The following HSPA4 variants were observed in gnomAD, a reference collection of about 807,000 sequenced individuals.
HSPA4 encodes the protein heat shock protein family A (Hsp70) member 4, also known as heat shock 70 kDa protein 4.
HSPA4 carries 25 observed loss-of-function variants against 106.2 expected under a neutral mutation model. The observed-to-expected ratio is 0.24, with a 90% CI of 0.17 to 0.33. The LOEUF is 0.33. HSPA4 is among the 10% of genes least tolerant of loss of function. HSPA4 has a pLI of 1.00. For missense variants in HSPA4, 841 were observed against 996.0 expected (o/e 0.84, Z 2.10); for synonymous variants, 332 against 333.6 (o/e 1.00, Z 0.05).
chr5:133,057,243 G>A (rs1224015368), intron 1 of HSPA4, among the ~76,000 whole-genome samples: 2 of 152,072 alleles, frequency 1.3e-5, no homozygotes, highest in African/African-American at 4.8e-5. Flanking sequence ...TTGCCTATCA[G>A]TTGTATGTGA....
At chr5:133,070,279 T>C in intron 3 of HSPA4, 95 bp from the exon 4 acceptor site, 1 of 1,225,272 alleles carries the variant, frequency 8.2e-7, no homozygotes, top group East Asian at 2.6e-5. Flanking sequence ...TAATGTTGCA[T>C]TGATAATGGG....
intron 1 of HSPA4, 46 bp from the exon 2 acceptor site, chr5:133,064,934 T>C (rs1765289328): frequency 4.0e-6 from 6 of 1,498,988 alleles, no homozygotes; most frequent in Non-Finnish European, 5.6e-6. Context: ...TTTGGATTTA[T>C]TATTGTAGTA....
intron 1 of HSPA4, among the ~76,000 whole-genome samples, chr5:133,063,242 A>G (rs1765267142): frequency 6.6e-6 from 1 of 150,992 alleles, no homozygotes; most frequent in African/African-American, 2.4e-5. Context: ...ACTGCCCCAT[A>G]GCTGGGATTA....
chr5:133,060,998 T>C lies in HSPA4; in HGVS notation c.108-3982T>C, dbSNP rs1765235010. Reference sequence around the variant, plus strand: ...CTAGTGGCTACTTCATTAGACAGCATGTATCTGTAACTGAAGACCTCAGAT... The same window carrying C: ...CTAGTGGCTACTTCATTAGACAGCACGTATCTGTAACTGAAGACCTCAGAT... On this transcript the variant is annotated intron_variant, in intron 1 of 18. Coordinates refer to ENST00000304858, the MANE Select transcript of HSPA4 (RefSeq NM_002154.4). 2.0e-5 allele frequency among the ~76,000 whole-genome samples: 3 copies of C among 151,956 alleles called. No homozygotes were observed. In the South Asian group the frequency reaches 6.2e-4, roughly 32 times the overall value.
intron 14 of HSPA4, 35 bp from the exon 15 acceptor site, chr5:133,097,126 C>G: frequency 6.4e-7 from 1 of 1,558,904 alleles, no homozygotes; most frequent in Non-Finnish European, 8.8e-7. Context: ...ATTAGTTGTC[C>G]TAATGTCTGA....
chr5:133,071,735 C>A (rs371240290), intron 4 of HSPA4, among the ~76,000 whole-genome samples: 1 of 152,136 alleles, frequency 6.6e-6, no homozygotes. Context: ...TGTTGCCTGG[C>A]GGATTTCTTG....
At chr5:133,082,470 A>G (rs1210565600) in intron 7 of HSPA4, among the ~76,000 whole-genome samples, 2 of 152,138 alleles carry the variant, frequency 1.3e-5, no homozygotes, top group Non-Finnish European at 2.9e-5. Context: ...AATTTTTAAA[A>G]TTTATTTCTT....
At chr5:133,102,507 G>T (rs1341434770) in intron 17 of HSPA4, among the ~76,000 whole-genome samples, 1 of 152,108 alleles carries the variant, frequency 6.6e-6, no homozygotes, top group Non-Finnish European at 1.5e-5. Context: ...CCTTTATAAG[G>T]TAGGGGGTGG....
chr5:133,087,726 C>T (rs972123596), intron 8 of HSPA4, among the ~76,000 whole-genome samples: 7 of 152,190 alleles, frequency 4.6e-5, no homozygotes, highest in Non-Finnish European at 4.4e-5. Context: ...TGGGTTAAAG[C>T]AATTCTCCTG....
chr5:133,052,382 G>A, intron 1 of HSPA4, 25 bp downstream of exon 1: 2 of 1,392,746 alleles, frequency 1.4e-6, no homozygotes, highest in South Asian at 1.3e-5. Context: ...GGCCTGCCGC[G>A]TGCACTGGGG....
intron 1 of HSPA4, among the ~76,000 whole-genome samples, chr5:133,055,822 A>T (rs1765153306): frequency 6.6e-6 from 1 of 152,204 alleles, no homozygotes. Context: ...TCATGCCTGT[A>T]ATCCCAGCAC....
chr5:133,077,501 G>A (rs575844710), intron 7 of HSPA4, among the ~76,000 whole-genome samples: 2 of 152,314 alleles, frequency 1.3e-5, no homozygotes, highest in African/African-American at 4.8e-5. Context: ...GCCTCCCAAA[G>A]TATGAGGATT....
intron 17 of HSPA4, among the ~76,000 whole-genome samples, chr5:133,102,913 C>CTTT (rs533273263): frequency 9.7e-6 from 1 of 103,304 alleles, no homozygotes; most frequent in Admixed American, 9.9e-5. Context: ...CTAGGGTTGT[C>CTTT]TTTTTTTTTT....
rs113519286 is a variant in HSPA4, at chr5:133,087,730, T to C, written c.986-674T>C. Among the ~76,000 whole-genome samples the C allele has an allele frequency of 7.7e-4, 118 of 152,330 alleles. 1 individual carries two copies. Among genetic ancestry groups the C allele is most frequent in the African/African-American group, 2.4e-3 (101 of 41,582 alleles). The stretch of plus-strand genomic sequence containing the variant: ...CCTCCACCTCCTGGGTTAAAGCAAT[T>C]CTCCTGCCTCAGCCTCCTGAGTAGC... On this transcript the variant is annotated intron_variant, in intron 8 of 18. Coordinates refer to ENST00000304858, the MANE Select transcript of HSPA4 (RefSeq NM_002154.4).
At chr5:133,061,852 T>C (rs1765247614) in intron 1 of HSPA4, among the ~76,000 whole-genome samples, 1 of 152,174 alleles carries the variant, frequency 6.6e-6, no homozygotes, top group Non-Finnish European at 1.5e-5. Flanking sequence ...CAGGCTGATC[T>C]TGAACTCCTG....
chr5:133,073,081 C>T (rs767571446), intron 4 of HSPA4, 149 bp from the exon 5 acceptor site: 3 of 574,450 alleles, frequency 5.2e-6, no homozygotes, highest in Non-Finnish European at 9.2e-6. Flanking sequence ...ACACTGCTTA[C>T]TAAATATTCT....
chr5:133,079,571 A>G (rs903639714), intron 7 of HSPA4, among the ~76,000 whole-genome samples: 4 of 152,036 alleles, frequency 2.6e-5, no homozygotes, highest in African/African-American at 4.8e-5. Flanking sequence ...CTTTTTAGCT[A>G]TTGTGAATAG....
chr5:133,103,377 T>C (rs566611927), intron 17 of HSPA4, among the ~76,000 whole-genome samples: 12 of 151,800 alleles, frequency 7.9e-5, no homozygotes, highest in Middle Eastern at 3.4e-3. Flanking sequence ...TCTTCTTCTT[T>C]TTTTTTTTTG....
At chr5:133,075,341 T>C (rs1386565130) in intron 6 of HSPA4, among the ~76,000 whole-genome samples, 1 of 152,250 alleles carries the variant, frequency 6.6e-6, no homozygotes, top group Non-Finnish European at 1.5e-5. Context: ...AGCCTGGCTT[T>C]GGATCAGAAC....
Sources: allele counts gnomAD v4.1 joint callset (sites outside exome capture counted in the v4.1 genomes callset), GRCh38; gene constraint gnomAD v4.1.1; transcripts MANE v1.5; gene names NCBI Gene and HGNC (gene_info 2026-07-23, HGNC 2026-07-21).